HCRTR2: variants seen among roughly 807,000 people sequenced by gnomAD.
HCRTR2 encodes orexin receptor type 2.
In HCRTR2, 22 loss-of-function variants were observed where a neutral mutation model predicts 49.0. The observed-to-expected ratio is 0.45, with a 90% CI of 0.32 to 0.64. HCRTR2 has a LOEUF of 0.64. HCRTR2 is among the 30% of genes least tolerant of loss of function. HCRTR2 has a pLI of 0.04. For synonymous variants in HCRTR2, 236 were observed against 205.3 expected (o/e 1.15, Z -1.28); for missense variants, 491 against 559.4 (o/e 0.88, Z 1.23).
chr6:55,219,439 G>C (rs983987457), intron 1 of HCRTR2, among the ~76,000 whole-genome samples: 1 of 152,056 alleles, frequency 6.6e-6, no homozygotes, highest in Admixed American at 6.6e-5. Flanking sequence ...ATAAATTCTT[G>C]AACAGTCCAT....
At chr6:55,166,515 T>C in intron 1 of HCRTR2, among the ~76,000 whole-genome samples, 1 of 152,048 alleles carries the variant, frequency 6.6e-6, no homozygotes, top group East Asian at 1.9e-4. Flanking sequence ...AAATGAAATA[T>C]CACTTTCCAC....
intron 1 of HCRTR2, among the ~76,000 whole-genome samples, chr6:55,152,921 T>C (rs1360616164): frequency 6.6e-6 from 1 of 152,070 alleles, no homozygotes; most frequent in Non-Finnish European, 1.5e-5. Flanking sequence ...ATTTTTGCTT[T>C]TGTTACTTGT....
At chr6:55,188,973 C>A (rs1765271412) in intron 1 of HCRTR2, among the ~76,000 whole-genome samples, 1 of 152,146 alleles carries the variant, frequency 6.6e-6, no homozygotes, top group Non-Finnish European at 1.5e-5. Flanking sequence ...TGCATGATAG[C>A]TTGAAGACAC....
At chr6:55,223,688 A>G (rs9349767) in intron 1 of HCRTR2, among the ~76,000 whole-genome samples, 27,285 of 152,020 alleles carry the variant, frequency 0.18, 2,827 homozygotes, top group Non-Finnish European at 0.24. Flanking sequence ...CAACCTCTAT[A>G]TGGCGGGCTA....
intron 1 of HCRTR2, among the ~76,000 whole-genome samples, chr6:55,181,564 C>T (rs1765134584): frequency 1.3e-5 from 2 of 152,066 alleles, no homozygotes; most frequent in East Asian, 1.9e-4. Context: ...GTATTTTACT[C>T]TTCAGAAGAT....
chr6:55,111,810 T>C (rs1171104520), intron 1 of HCRTR2, among the ~76,000 whole-genome samples: 1 of 152,022 alleles, frequency 6.6e-6, no homozygotes, highest in African/African-American at 2.4e-5. Flanking sequence ...AGCATCATCC[T>C]AATACCAAAA....
intron 4 of HCRTR2, among the ~76,000 whole-genome samples, chr6:55,264,718 T>G (rs1766830345): frequency 6.6e-6 from 1 of 152,236 alleles, no homozygotes; most frequent in Non-Finnish European, 1.5e-5. Context: ...TCTCTCCCAT[T>G]TTGTAAAATG....
intron 1 of HCRTR2, among the ~76,000 whole-genome samples, chr6:55,207,121 A>G (rs1429931458): frequency 6.6e-6 from 1 of 152,178 alleles, no homozygotes; most frequent in Non-Finnish European, 1.5e-5. Context: ...TTGGAAATTC[A>G]TAGATTATTG....
chr6:55,241,492 A>C (rs566782832), intron 1 of HCRTR2, among the ~76,000 whole-genome samples: 1 of 152,260 alleles, frequency 6.6e-6, no homozygotes, highest in South Asian at 2.1e-4. Flanking sequence ...ACAATCAATA[A>C]ATTGTTATGC....
intron 1 of HCRTR2, among the ~76,000 whole-genome samples, chr6:55,207,456 TG>T (rs1194849952): frequency 6.6e-6 from 1 of 152,156 alleles, no homozygotes; most frequent in Non-Finnish European, 1.5e-5. Flanking sequence ...CTGAGAAATA[TG>T]GATGTGATTT....
chr6:55,215,160 A>G (rs905693716), intron 1 of HCRTR2, among the ~76,000 whole-genome samples: 4 of 152,202 alleles, frequency 2.6e-5, no homozygotes, highest in African/African-American at 9.6e-5. Flanking sequence ...GCCAAGGACA[A>G]AGAAGGAATT....
chr6:55,129,230 C>G (rs1322249437), intron 1 of HCRTR2, among the ~76,000 whole-genome samples: 1 of 152,090 alleles, frequency 6.6e-6, no homozygotes, highest in Non-Finnish European at 1.5e-5. Context: ...TCTAAGTTTT[C>G]TCACTCATGG....
At chr6:55,174,294 C>A, upstream of HCRTR2, 1 of 458,396 alleles carries the variant, frequency 2.2e-6, no homozygotes, top group Admixed American at 3.4e-5. Flanking sequence ...TCAGCTGAGC[C>A]GGACGTAGCT....
intron 1 of HCRTR2, among the ~76,000 whole-genome samples, chr6:55,108,957 T>TA (rs1361154011): frequency 6.6e-6 from 1 of 152,038 alleles, no homozygotes; most frequent in Non-Finnish European, 1.5e-5. Flanking sequence ...TGCCTGCATA[T>TA]AAACTCGGTG....
chr6:55,123,341 G>A (rs1764228413), intron 1 of HCRTR2, among the ~76,000 whole-genome samples: 5 of 152,032 alleles, frequency 3.3e-5, no homozygotes, highest in South Asian at 2.1e-4. Flanking sequence ...ATGAAAGGGT[G>A]TTGAATTTTG....
At chr6:55,225,450 C>T (rs1049563183) in intron 1 of HCRTR2, among the ~76,000 whole-genome samples, 1 of 151,970 alleles carries the variant, frequency 6.6e-6, no homozygotes, top group Non-Finnish European at 1.5e-5. Flanking sequence ...TTTCTCAGAC[C>T]ATATGGTGAT....
At chr6:55,279,422 A>G (rs1184542587) in intron 5 of HCRTR2, among the ~76,000 whole-genome samples, 3 of 147,932 alleles carry the variant, frequency 2.0e-5, no homozygotes, top group African/African-American at 7.9e-5. Context: ...ATTTCACTCT[A>G]TATAGTATTT....
At chr6:55,133,678 T>TATC (rs1371568495) in intron 1 of HCRTR2, among the ~76,000 whole-genome samples, 12 of 149,740 alleles carry the variant, frequency 8.0e-5, no homozygotes, top group East Asian at 5.8e-4. Context: ...TCTATCTATC[T>TATC]ATCTATCTAT....
intron 1 of HCRTR2, among the ~76,000 whole-genome samples, chr6:55,183,542 G>A (rs6929450): frequency 0.45 from 68,666 of 151,980 alleles, 15,727 homozygotes; most frequent in East Asian, 0.47. Context: ...TGTTTAGGGG[G>A]AGCTGTTAAA....
Sources: gnomAD v4.1 joint callset for allele counts (sites outside exome capture counted in the v4.1 genomes callset) on GRCh38, gnomAD v4.1.1 for gene constraint, MANE v1.5 for transcripts, NCBI Gene and HGNC (gene_info 2026-07-23, HGNC 2026-07-21) for gene names.